The following SERINC2 variants were observed in gnomAD, a reference collection of about 807,000 sequenced individuals.
The protein encoded by SERINC2 is tumor differentially expressed protein 2.
In SERINC2, 56 loss-of-function variants were observed where a neutral mutation model predicts 54.2. That is an observed-to-expected ratio of 1.03 (90% CI 0.83 to 1.29). SERINC2 has a LOEUF of 1.29. Among genes scored for constraint, SERINC2 ranks in the 50% most tolerant of loss-of-function variants. SERINC2 has a pLI of 0.00. For synonymous variants in SERINC2, 272 were observed against 253.1 expected (o/e 1.07, Z -0.71); for missense variants, 614 against 607.4 (o/e 1.01, Z -0.12).
At chr1:31,410,483 G>A, upstream of SERINC2, 1 of 1,547,760 alleles carries the variant, frequency 6.5e-7, no homozygotes, top group Non-Finnish European at 8.7e-7. Context: ...AGCCGGCCTT[G>A]GTCTTGGGCA....
At chr1:31,432,929 G>C (rs782238167) in intron 8 of SERINC2, 38 bp from the exon 9 acceptor site, 1 of 1,513,916 alleles carries the variant, frequency 6.6e-7, no homozygotes, top group Non-Finnish European at 9.0e-7. Flanking sequence ...AGCAACGCCA[G>C]AGCTATCTAT....
intron 1 of SERINC2, chr1:31,414,437 G>GTC (rs1640728949): frequency 1.1e-6 from 1 of 944,688 alleles, no homozygotes; most frequent in African/African-American, 1.9e-5. Flanking sequence ...GTGTGTGTGT[G>GTC]TGTGTGTGTG....
rs1317889931 is a variant in SERINC2, at chr1:31,425,384, C to A, written c.447C>A (p.Tyr149Ter). ...ILVGLTVGAF[Y>*]IPDGSFTNIW... The stretch of plus-strand genomic sequence containing the variant: ...TGGGCCTCACCGTGGGTGCCTTCTA[C>A]ATTCCTGACGGCTCCTTCACCAACA... The change falls in exon 4 of 10, where the codon TAC becomes TAA. Residue 149 changes from tyrosine to a stop codon, truncating the protein, a stop_gained. Coordinates refer to ENST00000373709, the MANE Select transcript of SERINC2 (RefSeq NM_178865.5). LOFTEE classifies it high-confidence loss of function. 3 of 1,612,838 alleles carry A rather than the reference C, an allele frequency of 1.9e-6. No homozygotes were observed. Among genetic ancestry groups the A allele is most frequent in the Non-Finnish European group, 2.5e-6 (3 of 1,178,934 alleles).
intron 3 of SERINC2, 150 bp downstream of exon 3, chr1:31,425,023 C>A: frequency 1.5e-6 from 1 of 675,174 alleles, no homozygotes; most frequent in Non-Finnish European, 2.5e-6. Context: ...ATATCCATTT[C>A]TCAGATGAAG....
chr1:31,432,122 GGGTGGATAGGGTGGACAGGGTGGAC>G (rs1570069458), intron 8 of SERINC2, among the ~76,000 whole-genome samples: 2 of 136,484 alleles, frequency 1.5e-5, no homozygotes, highest in East Asian at 2.3e-4. Flanking sequence ...AGGGTGGTTA[GGGTGGATAGGGTGGACAGGGTGGAC>G]AGGGTGGACA....
intron 9 of SERINC2, 116 bp downstream of exon 9, chr1:31,433,301 G>C (rs528753196): frequency 2.4e-5 from 21 of 857,866 alleles, no homozygotes; most frequent in Non-Finnish European, 3.7e-5. Context: ...TGGGGGTGGC[G>C]GTGTGTATCA....
At chr1:31,410,576 A>G, upstream of SERINC2, 1 of 1,181,006 alleles carries the variant, frequency 8.5e-7, no homozygotes, top group Non-Finnish European at 1.2e-6. Context: ...CCCTTTACAC[A>G]TACAGTCATC....
chr1:31,429,048 C>A lies in SERINC2; in HGVS notation c.851C>A (p.Ser284Ter), dbSNP rs1553134033. The A allele has an allele frequency of 1.2e-6, 2 of 1,613,798 alleles. No homozygotes were observed. The highest frequency in any genetic ancestry group is 1.7e-5 in the Admixed American group (1 of 60,014). ...ITLYTMFVTW[S>*]ALSSIPEQKC... ...CTCTACACCATGTTTGTCACCTGGT[C>A]AGCCCTATCCAGTATCCCTGGTAAG... The change falls in exon 7 of 10, where the codon TCA becomes TAA. Residue 284 changes from serine (S) to a stop codon, truncating the protein, a stop_gained. Coordinates refer to ENST00000373709, the MANE Select transcript of SERINC2 (RefSeq NM_178865.5). LOFTEE classifies it high-confidence loss of function.
chr1:31,432,261 T>C (rs1166587169), intron 8 of SERINC2, among the ~76,000 whole-genome samples: 3 of 147,096 alleles, frequency 2.0e-5, no homozygotes, highest in Non-Finnish European at 3.0e-5. Context: ...AGGGGTGATT[T>C]CTCAATTTGC....
At chr1:31,429,186 G>A (rs1344180393) in intron 7 of SERINC2, 118 bp downstream of exon 7, 6 of 1,062,498 alleles carry the variant, frequency 5.6e-6, no homozygotes, top group Non-Finnish European at 8.6e-6. Context: ...CCCATTCTGA[G>A]ACTCAGTCCT....
rs1553133488 is a variant in SERINC2, at chr1:31,425,764, C to T, written c.473-12C>T. On this transcript the variant is annotated splice_polypyrimidine_tract_variant and intron_variant, in intron 4 of 9. Coordinates refer to ENST00000373709, the MANE Select transcript of SERINC2 (RefSeq NM_178865.5). ...GGGACCCTCCTCGCCTCACTCCCCT[C>T]TCCCCACCCAGTCTGGTTCTACTTC... The T allele has an allele frequency of 6.2e-7, 1 of 1,611,920 alleles. No individual in the cohort carries two copies. Among genetic ancestry groups the T allele is most frequent in the East Asian group, 2.2e-5 (1 of 44,870 alleles).
chr1:31,413,380 TC>T lies in SERINC2; in HGVS notation c.39+78del. 1 of 810,502 alleles carries T rather than the reference TC, an allele frequency of 1.2e-6. No homozygotes were observed. The highest frequency in any genetic ancestry group is 5.6e-5 in the South Asian group (1 of 17,700). 50.2% of individuals were successfully genotyped at this position (810,502 alleles called of 1,614,324 possible). Reference sequence around the variant, plus strand: ...GGGCCCTCACTTTCTTCTGTTCTGCTCCGAGTAGTTTCTTCTTTTTCCTTCC... The same window carrying T: ...GGGCCCTCACTTTCTTCTGTTCTGCTCGAGTAGTTTCTTCTTTTTCCTTCC... On this transcript the variant is annotated intron_variant, in intron 1 of 9. Coordinates refer to ENST00000373709, the MANE Select transcript of SERINC2 (RefSeq NM_178865.5). The surrounding 1 kb of genome is among the most constrained non-coding windows in gnomAD (Gnocchi z 5.0).
upstream of SERINC2, chr1:31,413,121 G>A: frequency 2.0e-6 from 2 of 1,002,110 alleles, no homozygotes; most frequent in Non-Finnish European, 2.4e-6. The surrounding 1 kb of genome is among the most constrained non-coding windows in gnomAD (Gnocchi z 5.0). Context: ...GGCCCCGAGC[G>A]CCGCCGGAAA....
Position 31,413,341 on chromosome 1 carries a change from C to T in SERINC2, c.39+37C>T. The T allele has an allele frequency of 8.8e-7, 1 of 1,131,852 alleles. No individual in the cohort carries two copies. Among genetic ancestry groups the T allele is most frequent in the Non-Finnish European group, 1.1e-6 (1 of 892,152 alleles). 70.1% of individuals were successfully genotyped at this position (1,131,852 alleles called of 1,614,324 possible). ...CCCCGGCGCCCGCCCGCGCGCGCCG[C>T]CCGTTCCTGCTGCGGGCCCTCACTT... is the stretch of plus-strand genomic sequence containing the variant. On this transcript the variant is annotated intron_variant, in intron 1 of 9. Coordinates refer to ENST00000373709, the MANE Select transcript of SERINC2 (RefSeq NM_178865.5). This position sits in a 1 kb window ranked among gnomAD's most constrained non-coding sequence, Gnocchi z 5.0.
At chr1:31,426,077 A>AGGGCACCC (rs1641034597) in intron 5 of SERINC2, 164 bp downstream of exon 5, 2 of 726,330 alleles carry the variant, frequency 2.8e-6, no homozygotes, top group East Asian at 5.8e-5. Context: ...GGGGGGCACC[A>AGGGCACCC]GCTGATCCTG....
chr1:31,425,541 A>C (rs1428943043), intron 4 of SERINC2, 132 bp downstream of exon 4: 11 of 883,948 alleles, frequency 1.2e-5, no homozygotes, highest in Admixed American at 5.5e-5. Context: ...CTCGCTCCCC[A>C]CCCGTGAGAC....
At position 31,413,950 on chromosome 1, in the gene SERINC2, C is replaced by A; in HGVS notation, c.39+646C>A. The A allele has an allele frequency of 6.5e-7, 1 of 1,526,942 alleles. No homozygotes were observed. Among genetic ancestry groups the A allele is most frequent in the South Asian group, 1.2e-5 (1 of 83,328 alleles). The allele number at this position is 1,526,942 out of a possible 1,614,324, so 94.6% of individuals were successfully genotyped here. On this transcript the variant is annotated intron_variant, in intron 1 of 9. Transcript: ENST00000373709. This position sits in a 1 kb window ranked among gnomAD's most constrained non-coding sequence, Gnocchi z 5.0. Reference sequence around the variant, plus strand: ...CCTTTACCGTCCTCAGTCTGGCTCGCGCTGCCTCTCAGGCACTTCCCCAGC... The same window carrying A: ...CCTTTACCGTCCTCAGTCTGGCTCGAGCTGCCTCTCAGGCACTTCCCCAGC...
At chr1:31,418,934 G>C (rs1640842484) in intron 1 of SERINC2, among the ~76,000 whole-genome samples, 1 of 152,182 alleles carries the variant, frequency 6.6e-6, no homozygotes, top group Non-Finnish European at 1.5e-5. Context: ...GATGCTTTCT[G>C]GGTGGTTCTT....
chr1:31,431,769 GAGGGTGAATAGGGTGGAT>G (rs1641212932), intron 8 of SERINC2, among the ~76,000 whole-genome samples: 7 of 28,364 alleles, frequency 2.5e-4, no homozygotes, highest in Admixed American at 9.3e-4. Context: ...AGAGGGTGGA[GAGGGTGAATAGGGTGGAT>G]AGGGTGGATA....
Sources: gnomAD v4.1 joint callset for allele counts (sites outside exome capture counted in the v4.1 genomes callset) on GRCh38, gnomAD v4.1.1 for gene constraint, Gnocchi (gnomAD v3.1) non-coding constraint, MANE v1.5 for transcripts, NCBI Gene and HGNC (gene_info 2026-07-23, HGNC 2026-07-21) for gene names.